The following SOBP variants were observed in gnomAD, a reference collection of about 807,000 sequenced individuals.
SOBP encodes the protein sine oculis-binding protein homolog.
In SOBP, 4 loss-of-function variants were observed where a neutral mutation model predicts 53.6. The ratio of observed to expected loss-of-function variants is 0.07; its 90% confidence interval spans 0.04 to 0.17. SOBP has a LOEUF of 0.17. Among genes scored for constraint, SOBP ranks in the 10% least tolerant of loss-of-function variants. SOBP has a pLI of 1.00. For missense variants in SOBP, 1,088 were observed against 1,204.7 expected (o/e 0.90, Z 1.43); for synonymous variants, 584 against 522.6 (o/e 1.12, Z -1.60).
At chr6:107,545,428 G>A (rs1192509213) in intron 4 of SOBP, among the ~76,000 whole-genome samples, 1 of 152,130 alleles carries the variant, frequency 6.6e-6, no homozygotes, top group Non-Finnish European at 1.5e-5. Flanking sequence ...GGCAACAGAG[G>A]GTGATTCTTG....
intron 1 of SOBP, among the ~76,000 whole-genome samples, chr6:107,494,095 C>T (rs189648549): frequency 8.5e-5 from 13 of 152,168 alleles, no homozygotes; most frequent in African/African-American, 2.4e-4. Flanking sequence ...TTTCTTCTTC[C>T]CTTATCCTGG....
At chr6:107,497,398 T>C (rs1315555486) in intron 1 of SOBP, among the ~76,000 whole-genome samples, 1 of 152,220 alleles carries the variant, frequency 6.6e-6, no homozygotes, top group Non-Finnish European at 1.5e-5. Flanking sequence ...ATAGCTGATG[T>C]AATTGTCTAT....
At chr6:107,512,786 G>GTGAAATGAA (rs1562582073) in intron 3 of SOBP, among the ~76,000 whole-genome samples, 8 of 152,102 alleles carry the variant, frequency 5.3e-5, no homozygotes, top group African/African-American at 1.9e-4. Context: ...TTCACAAGGA[G>GTGAAATGAA]AAGTGAAATG....
At chr6:107,642,848 A>G (rs1326145754) in intron 6 of SOBP, among the ~76,000 whole-genome samples, 1 of 152,242 alleles carries the variant, frequency 6.6e-6, no homozygotes, top group Non-Finnish European at 1.5e-5. Context: ...GATATGGAAC[A>G]TTGACCTAAC....
chr6:107,605,090 A>G (rs1294291758), intron 5 of SOBP, among the ~76,000 whole-genome samples: 1 of 151,682 alleles, frequency 6.6e-6, no homozygotes, highest in African/African-American at 2.4e-5. Context: ...CCATGCTCAA[A>G]TTTCCCACAA....
intron 4 of SOBP, among the ~76,000 whole-genome samples, chr6:107,534,175 A>T (rs1367810299): frequency 5.3e-5 from 8 of 152,230 alleles, no homozygotes; most frequent in Admixed American, 5.2e-4. Context: ...TCACACAGCC[A>T]AGCATTTGTG....
At chr6:107,585,756 G>A (rs575882104) in intron 4 of SOBP, among the ~76,000 whole-genome samples, 1 of 152,188 alleles carries the variant, frequency 6.6e-6, no homozygotes, top group African/African-American at 2.4e-5. Flanking sequence ...TTCCCTCCCT[G>A]GACTAGGTAG....
At chr6:107,525,840 A>C (rs1783643921) in intron 3 of SOBP, among the ~76,000 whole-genome samples, 1 of 152,182 alleles carries the variant, frequency 6.6e-6, no homozygotes, top group South Asian at 2.1e-4. Flanking sequence ...CACTTTGCTT[A>C]CTGAGGCTTC....
At chr6:107,564,220 C>T (rs991767227) in intron 4 of SOBP, among the ~76,000 whole-genome samples, 2 of 152,012 alleles carry the variant, frequency 1.3e-5, no homozygotes, top group Admixed American at 1.3e-4. Flanking sequence ...GTAATCTGGC[C>T]CTTCTATTTC....
intron 6 of SOBP, among the ~76,000 whole-genome samples, chr6:107,652,704 A>G (rs1234463233): frequency 1.1e-4 from 17 of 152,190 alleles, no homozygotes; most frequent in Admixed American, 1.1e-3. Context: ...AATGTGGCAA[A>G]CTTTATTGTT....
At chr6:107,554,484 C>T (rs1212750504) in intron 4 of SOBP, among the ~76,000 whole-genome samples, 1 of 152,200 alleles carries the variant, frequency 6.6e-6, no homozygotes, top group Non-Finnish European at 1.5e-5. Flanking sequence ...CTCCCTGCCA[C>T]CTCTGAAAGG....
intron 3 of SOBP, among the ~76,000 whole-genome samples, chr6:107,518,106 TA>T: frequency 6.6e-6 from 1 of 152,198 alleles, no homozygotes; most frequent in Non-Finnish European, 1.5e-5. Context: ...CATTTCCCTG[TA>T]AAAGACTTAT....
chr6:107,649,667 T>TA (rs11317552), intron 6 of SOBP, among the ~76,000 whole-genome samples: 1,914 of 139,152 alleles, frequency 0.014, 27 homozygotes, highest in African/African-American at 0.034. Context: ...GTGTGTTTGT[T>TA]AAAAAAAAAA....
At chr6:107,591,821 C>T (rs1785758544) in intron 5 of SOBP, among the ~76,000 whole-genome samples, 2 of 152,004 alleles carry the variant, frequency 1.3e-5, no homozygotes, top group Admixed American at 1.3e-4. Flanking sequence ...TATAATGAAC[C>T]CCCATGTTCC....
intron 4 of SOBP, among the ~76,000 whole-genome samples, chr6:107,572,959 C>T (rs568708551): frequency 1.3e-5 from 2 of 152,264 alleles, no homozygotes; most frequent in East Asian, 3.9e-4. Context: ...TACTGCAGTG[C>T]CCACGAATCC....
chr6:107,654,187 G>T (rs770921003), intron 6 of SOBP, among the ~76,000 whole-genome samples: 1 of 152,218 alleles, frequency 6.6e-6, no homozygotes, highest in Non-Finnish European at 1.5e-5. Flanking sequence ...ATACATGCCC[G>T]ATGGAGACCA....
At chr6:107,544,100 G>T (rs773558415) in intron 4 of SOBP, among the ~76,000 whole-genome samples, 2 of 152,156 alleles carry the variant, frequency 1.3e-5, no homozygotes, top group Non-Finnish European at 2.9e-5. Flanking sequence ...AGATGCTTTG[G>T]AGTAGAAGTC....
At chr6:107,495,526 T>C (rs927261041) in intron 1 of SOBP, among the ~76,000 whole-genome samples, 1 of 152,130 alleles carries the variant, frequency 6.6e-6, no homozygotes, top group Admixed American at 6.5e-5. Context: ...AATAAACATT[T>C]GAACTAGAAG....
chr6:107,636,052 C>G (rs1294529149), intron 6 of SOBP, among the ~76,000 whole-genome samples: 1 of 152,196 alleles, frequency 6.6e-6, no homozygotes, highest in Non-Finnish European at 1.5e-5. Flanking sequence ...TGAACCCAGG[C>G]CACTGAGTCC....
Sources: gnomAD v4.1 joint callset for allele counts (sites outside exome capture counted in the v4.1 genomes callset) on GRCh38, gnomAD v4.1.1 for gene constraint, MANE v1.5 for transcripts, NCBI Gene and HGNC (gene_info 2026-07-23, HGNC 2026-07-21) for gene names.